The following CPLANE1 variants were observed in gnomAD, a reference collection of about 807,000 sequenced individuals.
The protein encoded by CPLANE1 is ciliogenesis and planar polarity effector 1.
CPLANE1 carries 263 observed loss-of-function variants against 362.5 expected under a neutral mutation model. That is an observed-to-expected ratio of 0.73 (90% CI 0.66 to 0.80). The LOEUF is 0.80. Ranked by LOEUF, CPLANE1 falls within the 30% of genes least tolerant of loss-of-function variation. The pLI, the probability that CPLANE1 is intolerant of heterozygous loss-of-function variation, is 0.00. For missense variants in CPLANE1, 3,461 were observed against 3,793.4 expected (o/e 0.91, Z 2.30); for synonymous variants, 1,212 against 1,302.6 (o/e 0.93, Z 1.50).
chr5:37,246,329 G>C (rs1180673909), intron 2 of CPLANE1: 1 of 151,966 alleles, frequency 6.6e-6, no homozygotes, highest in Non-Finnish European at 1.5e-5. Flanking sequence ...CCAGCCCCTT[G>C]ATCTCGGGAG....
chr5:37,192,958 G>A (rs1383213883), intron 21 of CPLANE1, among the ~76,000 whole-genome samples: 3 of 150,804 alleles, frequency 2.0e-5, no homozygotes, highest in Non-Finnish European at 2.9e-5. Context: ...CACGAGGTCA[G>A]GAATTCAAGA....
At chr5:37,142,518 T>A in intron 43 of CPLANE1, 38 bp from the exon 44 acceptor site, 2 of 1,312,126 alleles carry the variant, frequency 1.5e-6, no homozygotes, top group African/African-American at 1.5e-5. Context: ...AATAAAATAG[T>A]AGAGGAAAAA....
At position 37,245,800 on chromosome 5, in the gene CPLANE1, T is replaced by A. The variant is rs779643193; in HGVS notation, c.127A>T (p.Ile43Phe). ...TTTATCTTTCCTGATAGCAAATTAATTTCATTTATGAATTTATCATCCAAA... is the reference window on the plus strand; with the variant it reads ...TTTATCTTTCCTGATAGCAAATTAAATTCATTTATGAATTTATCATCCAAA... The part of the protein sequence containing the change: ...FLLDDKFINE[I>F]NLLSGKIKKK... Residue 43 changes from isoleucine to phenylalanine, a missense_variant, in exon 3 of 53, where the codon ATT becomes TTT. Ile to Phe is a conservative substitution (Grantham distance 21). Coordinates refer to ENST00000651892, the MANE Select transcript of CPLANE1 (RefSeq NM_001384732.1). 3.3e-6 allele frequency: 5 copies of A among 1,530,250 alleles called. No individual in the cohort carries two copies. Among genetic ancestry groups the A allele is most frequent in the East Asian group, 4.9e-5 (2 of 40,508 alleles). 94.8% of individuals were successfully genotyped at this position (1,530,250 alleles called of 1,614,324 possible). A position where few individuals can be genotyped will look rare whatever the true frequency, so the allele number is the denominator to read the frequency against.
intron 31 of CPLANE1, among the ~76,000 whole-genome samples, chr5:37,174,756 C>T (rs1780698671): frequency 6.6e-6 from 1 of 152,134 alleles, no homozygotes; most frequent in Non-Finnish European, 1.5e-5. Context: ...CACTCATTCC[C>T]ATTTGGCAAT....
the CPLANE1 span, among the ~76,000 whole-genome samples, chr5:37,086,350 ACT>A: frequency 3.3e-5 from 5 of 152,310 alleles, no homozygotes; most frequent in Admixed American, 2.6e-4. Context: ...TATATGAAGC[ACT>A]CTCTCAGACC....
intron 46 of CPLANE1, chr5:37,138,433 G>C: frequency 2.0e-6 from 1 of 488,510 alleles, no homozygotes; most frequent in Non-Finnish European, 3.9e-6. Context: ...GTTAATTTTT[G>C]GGTAAAGTGC....
At chr5:37,208,702 G>A (rs892881221) in intron 16 of CPLANE1, among the ~76,000 whole-genome samples, 40 of 139,412 alleles carry the variant, frequency 2.9e-4, no homozygotes, top group Admixed American at 2.2e-4. Flanking sequence ...AAAAAAAAGA[G>A]TTCAGCTTAA....
intron 16 of CPLANE1, chr5:37,211,213 AG>A (rs1792500300): frequency 1.4e-6 from 2 of 1,448,554 alleles, no homozygotes; most frequent in Non-Finnish European, 1.9e-6. Context: ...GCAGGGATGG[AG>A]GGTAGTTCCC....
chr5:37,134,794 CTTTTTTTT>C (rs372028750), intron 46 of CPLANE1, among the ~76,000 whole-genome samples: 1 of 133,138 alleles, frequency 7.5e-6, no homozygotes, highest in African/African-American at 2.8e-5. Flanking sequence ...AAACTTTCCA[CTTTTTTTT>C]TTTTTTTTTT....
chr5:37,115,406 G>A (rs542153529), intron 50 of CPLANE1, among the ~76,000 whole-genome samples: 14 of 152,022 alleles, frequency 9.2e-5, no homozygotes, highest in Middle Eastern at 3.4e-3. Flanking sequence ...TTTATCAACC[G>A]AATGATTAGT....
rs1789288891 is a variant in CPLANE1 at position 37,201,875 on chromosome 5, A to G, written c.3290-67T>C. 1.6e-5 allele frequency: 17 copies of G among 1,088,384 alleles called. No individual in the cohort carries two copies. In the South Asian group the frequency reaches 2.3e-4, roughly 15 times the overall value. 67.4% of individuals were successfully genotyped at this position (1,088,384 alleles called of 1,614,324 possible). A position where few individuals can be genotyped will look rare whatever the true frequency, so the allele number is the denominator to read the frequency against. On this transcript the variant is annotated intron_variant, in intron 18 of 52. Coordinates refer to ENST00000651892, the MANE Select transcript of CPLANE1 (RefSeq NM_001384732.1). ...TTAAACTTCTTATCCATTTTGTAGG[A>G]AAAAATTTCAAATCTAAAAACATTC...
chr5:37,081,032 A>G, the CPLANE1 span, among the ~76,000 whole-genome samples: 1 of 152,230 alleles, frequency 6.6e-6, no homozygotes. Context: ...ACAGTAAAAA[A>G]TTACAAGCTG....
Position 37,209,905 on chromosome 5 carries a change from A to G in CPLANE1, c.2921-3480T>C. 7.0e-7 allele frequency: 1 copy of G among 1,428,430 alleles called. No individual in the cohort carries two copies. Among genetic ancestry groups the G allele is most frequent in the Non-Finnish European group, 9.9e-7 (1 of 1,012,746 alleles). The allele number at this position is 1,428,430 out of a possible 1,614,324, so 88.5% of individuals were successfully genotyped here. On this transcript the variant is annotated intron_variant, in intron 16 of 52. Coordinates refer to ENST00000651892, the MANE Select transcript of CPLANE1 (RefSeq NM_001384732.1). The surrounding 1 kb of genome is among the most constrained non-coding windows in gnomAD (Gnocchi z 4.6). ...GCTGAGAAGCTTCAGCTTATTGATG[A>G]TCAGTTTGCAGATGCTTACCCTCAG...
intron 46 of CPLANE1, among the ~76,000 whole-genome samples, chr5:37,134,290 T>A (rs1367070029): frequency 6.6e-6 from 1 of 152,120 alleles, no homozygotes; most frequent in Admixed American, 6.6e-5. Flanking sequence ...GGTTGGTGGG[T>A]TTTTTATTAC....
chr5:37,095,021 C>T, the CPLANE1 span, among the ~76,000 whole-genome samples: 6,932 of 152,212 alleles, frequency 0.046, 540 homozygotes, highest in African/African-American at 0.16. Context: ...AGAATTGGCA[C>T]CAATCCTATT....
At chr5:37,205,482 G>A in intron 17 of CPLANE1, 28 bp from the exon 18 acceptor site, 1 of 1,436,038 alleles carries the variant, frequency 7.0e-7, no homozygotes. Context: ...TAAGGGAAAT[G>A]AATCCAAATT....
rs905772533 is a variant in CPLANE1 at position 37,144,870 on chromosome 5, T to G, written c.8462-2390A>C. 3.3e-5 allele frequency among the ~76,000 whole-genome samples: 5 copies of G among 149,364 alleles called. No individual in the cohort carries two copies. In the South Asian group the frequency reaches 1.1e-3, roughly 32 times the overall value. ...TGTCTCAAAAAAAAAAAAAAAAAATTAGAAATTTTAAAATGAAGTAATTGT... is the reference window on the plus strand; with the variant it reads ...TGTCTCAAAAAAAAAAAAAAAAAATGAGAAATTTTAAAATGAAGTAATTGT... On this transcript the variant is annotated intron_variant, in intron 43 of 52. Transcript: ENST00000651892.
At chr5:37,189,147 T>A (rs1784801637) in intron 21 of CPLANE1, among the ~76,000 whole-genome samples, 3 of 152,250 alleles carry the variant, frequency 2.0e-5, no homozygotes, top group African/African-American at 7.2e-5. Context: ...CTTAATTTTT[T>A]AAATAAGCCT....
At position 37,186,320 on chromosome 5, in the gene CPLANE1, A is replaced by G. The variant is rs7710847; in HGVS notation, c.4155T>C (p.Ser1385=). The G allele has an allele frequency of 1.4e-5, 23 of 1,594,542 alleles. No individual in the cohort carries two copies. Among genetic ancestry groups the G allele is most frequent in the Non-Finnish European group, 2.0e-5 (23 of 1,162,426 alleles). Residue 1385 remains serine, a synonymous_variant, in exon 24 of 53, where the codon TCT becomes TCC. Transcript: ENST00000651892. ...CACAGTGTCTGAGTCTCTGGTGAAG[A>G]GAGTGATATTTGTCTCTTAAAGGAA... ...VRVPLRDKYH[S]LHQRLRHCVV...
Sources: gnomAD v4.1 joint callset for allele counts (sites outside exome capture counted in the v4.1 genomes callset) on GRCh38, gnomAD v4.1.1 for gene constraint, Gnocchi (gnomAD v3.1) non-coding constraint, MANE v1.5 for transcripts, NCBI Gene and HGNC (gene_info 2026-07-23, HGNC 2026-07-21) for gene names.